RP2: variants seen among roughly 807,000 people sequenced by gnomAD.
RP2 encodes protein XRP2.
Under a neutral mutation model 20.3 loss-of-function variants are expected in RP2, and 3 were observed. That is an observed-to-expected ratio of 0.15 (90% CI 0.07 to 0.38). The LOEUF is 0.38. Ranked by LOEUF, RP2 falls within the 10% of genes least tolerant of loss-of-function variation. RP2 has a pLI of 1.00. For missense variants in RP2, 233 were observed against 268.5 expected (o/e 0.87, Z 0.92); for synonymous variants, 75 against 94.8 (o/e 0.79, Z 1.22).
intron 1 of RP2, among the ~76,000 whole-genome samples, chrX:46,850,034 G>A (rs937941639): frequency 8.9e-6 from 1 of 112,346 alleles, no homozygotes; most frequent in Non-Finnish European, 1.9e-5. Context: ...TTTGCAGTCT[G>A]AGCAGACTAA....
chrX:46,847,787 C>CATGTGTGTATATACACACAT (rs1924771523), intron 1 of RP2, among the ~76,000 whole-genome samples: 1 of 82,654 alleles, frequency 1.2e-5, no homozygotes, highest in Non-Finnish European at 2.2e-5. Flanking sequence ...TACATACACA[C>CATGTGTGTATATACACACAT]ATGTGTGTGT....
intron 1 of RP2, among the ~76,000 whole-genome samples, chrX:46,846,997 G>A (rs1924725976): frequency 8.9e-6 from 1 of 111,793 alleles, no homozygotes; most frequent in Non-Finnish European, 1.9e-5. Flanking sequence ...CCAAAGTGCT[G>A]GCATTACAGC....
Position 46,841,229 on chromosome X carries a change from ACAGT to A in RP2, c.102+4028_102+4031del, listed in dbSNP as rs782683212. Among the ~76,000 whole-genome samples, 221 of 111,794 alleles carry A rather than the reference ACAGT, an allele frequency of 2.0e-3. 1 individual carries two copies. The highest frequency in any genetic ancestry group is 7.0e-3 in the African/African-American group (214 of 30,747). On this transcript the variant is annotated intron_variant, in intron 1 of 4. Transcript: ENST00000218340. ...TCTCCATGTTAGTCAAAATTGTCAG[ACAGT>A]TAGGGTGGTAATCTGCTAGAAAGAA...
intron 3 of RP2, among the ~76,000 whole-genome samples, chrX:46,867,838 C>T (rs1925203278): frequency 2.7e-5 from 3 of 112,028 alleles, no homozygotes; most frequent in Non-Finnish European, 5.6e-5. Flanking sequence ...GGATTTCATT[C>T]CTTTTATGGC....
intron 1 of RP2, among the ~76,000 whole-genome samples, chrX:46,849,046 G>A (rs1306935667): frequency 9.1e-6 from 1 of 109,973 alleles, no homozygotes; most frequent in Non-Finnish European, 1.9e-5. Context: ...AAAAAATACA[G>A]TCTAAACTAA....
At chrX:46,841,487 A>T (rs2147076268) in intron 1 of RP2, among the ~76,000 whole-genome samples, 1 of 112,400 alleles carries the variant, frequency 8.9e-6, no homozygotes, top group South Asian at 3.7e-4. Context: ...TTGACCACAT[A>T]GCTGGCTGGC....
chrX:46,841,714 A>C (rs1924624827), intron 1 of RP2, among the ~76,000 whole-genome samples: 1 of 112,711 alleles, frequency 8.9e-6, no homozygotes, highest in Admixed American at 9.4e-5. Context: ...GGCAGTCACA[A>C]ATGCCCACCC....
chrX:46,877,093 G>A (rs782574767), intron 3 of RP2, among the ~76,000 whole-genome samples: 1 of 112,217 alleles, frequency 8.9e-6, no homozygotes, highest in Non-Finnish European at 1.9e-5. Flanking sequence ...GTAAGTAGGA[G>A]AGTTGGAAGC....
chrX:46,849,128 A>G (rs1924813217), intron 1 of RP2, among the ~76,000 whole-genome samples: 1 of 111,452 alleles, frequency 9.0e-6, no homozygotes, highest in Non-Finnish European at 1.9e-5. Flanking sequence ...GATTCTAGAC[A>G]CTTTATTTCA....
intron 3 of RP2, among the ~76,000 whole-genome samples, chrX:46,874,906 G>A (rs1925348949): frequency 9.1e-6 from 1 of 109,619 alleles, no homozygotes; most frequent in Admixed American, 9.8e-5. Context: ...CCTTTGTCTT[G>A]GGAAAGAAGC....
At chrX:46,860,232 T>C (rs1021200505) in intron 3 of RP2, 130 bp downstream of exon 3, 1 of 528,027 alleles carries the variant, frequency 1.9e-6, no homozygotes, top group Admixed American at 3.0e-5. Context: ...TTTTCTATTA[T>C]TGTTCTGAAA....
intron 1 of RP2, among the ~76,000 whole-genome samples, chrX:46,847,311 G>A: frequency 9.0e-6 from 1 of 110,743 alleles, no homozygotes; most frequent in Admixed American, 9.8e-5. Flanking sequence ...TTTTTTCCCA[G>A]TTAATAACTT....
chrX:46,868,696 G>A (rs1426117894), intron 3 of RP2, among the ~76,000 whole-genome samples: 1 of 106,583 alleles, frequency 9.4e-6, no homozygotes, highest in Non-Finnish European at 1.9e-5. Context: ...TGAGGCAGGA[G>A]AATCGCTTGA....
At chrX:46,847,767 T>TATGTGTGTGTGTGTATACACAC (rs781898428) in intron 1 of RP2, among the ~76,000 whole-genome samples, 82 of 68,500 alleles carry the variant, frequency 1.2e-3, no homozygotes, top group Admixed American at 0.01. Flanking sequence ...TATACACACA[T>TATGTGTGTGTGTGTATACACAC]GTGTGTGTGT....
intron 3 of RP2, among the ~76,000 whole-genome samples, chrX:46,870,283 T>TA (rs1231653749): frequency 3.6e-5 from 4 of 111,037 alleles, no homozygotes; most frequent in African/African-American, 1.3e-4. Flanking sequence ...ATTTTTTTTT[T>TA]AACATAAAAG....
At chrX:46,847,778 A>G (rs369831826) in intron 1 of RP2, among the ~76,000 whole-genome samples, 5 of 76,048 alleles carry the variant, frequency 6.6e-5, no homozygotes, top group Non-Finnish European at 1.1e-4. Flanking sequence ...GTGTGTGTGT[A>G]CATACACACA....
intron 2 of RP2, among the ~76,000 whole-genome samples, chrX:46,856,888 A>T (rs1234554603): frequency 3.6e-5 from 4 of 112,420 alleles, no homozygotes; most frequent in Non-Finnish European, 7.5e-5. Context: ...AAACATGCTG[A>T]AAGACAAAAG....
rs1556319855 is a variant in RP2 at position 46,859,847 on chromosome X, A to G, written c.769-141A>G. The G allele has an allele frequency of 1.8e-5, 9 of 493,214 alleles. 2 individuals carry two copies. The highest frequency in any genetic ancestry group is 3.2e-5 in the Non-Finnish European group (9 of 279,431). 40.6% of individuals were successfully genotyped at this position (493,214 alleles called of 1,213,427 possible). ...ATATAGTGAGAACTTATTATAGCAA[A>G]CACCCTGAATTAGACTTATAATTAA... On this transcript the variant is annotated intron_variant, in intron 2 of 4. Transcript: ENST00000218340.
intron 1 of RP2, among the ~76,000 whole-genome samples, chrX:46,843,168 C>T (rs782535758): frequency 2.7e-5 from 3 of 110,008 alleles, no homozygotes; most frequent in Admixed American, 1.9e-4. Context: ...CCGCCACGCC[C>T]GGCTAATTTT....
Sources: gnomAD v4.1 joint callset for allele counts (sites outside exome capture counted in the v4.1 genomes callset) on GRCh38, gnomAD v4.1.1 for gene constraint, MANE v1.5 for transcripts, NCBI Gene and HGNC (gene_info 2026-07-23, HGNC 2026-07-21) for gene names.